Variants in TBC1D8B observed in about 807,000 individuals in gnomAD.
TBC1D8B encodes TBC1 domain family member 8B.
TBC1D8B carries 75 observed loss-of-function variants against 82.9 expected under a neutral mutation model. The ratio of observed to expected loss-of-function variants is 0.90; its 90% confidence interval spans 0.75 to 1.10. The LOEUF is 1.10. Ranked by LOEUF, TBC1D8B falls within the 50% of genes least tolerant of loss-of-function variation. TBC1D8B has a pLI of 0.00. For synonymous variants in TBC1D8B, 276 were observed against 276.8 expected (o/e 1.00, Z 0.03); for missense variants, 794 against 796.9 (o/e 1.00, Z 0.04).
At chrX:106,864,352 C>G (rs978570988) in intron 14 of TBC1D8B, among the ~76,000 whole-genome samples, 2 of 110,006 alleles carry the variant, frequency 1.8e-5, no homozygotes, top group African/African-American at 6.6e-5. Flanking sequence ...CCTCTCTGCT[C>G]TCTGTGTCCC....
At chrX:106,805,336 G>T (rs1223788990) in intron 1 of TBC1D8B, among the ~76,000 whole-genome samples, 2 of 108,134 alleles carry the variant, frequency 1.8e-5, no homozygotes, top group Non-Finnish European at 3.8e-5. Flanking sequence ...CTCCCACTTT[G>T]GTCTCCCAAA....
At chrX:106,851,160 C>A (rs1392820390) in intron 12 of TBC1D8B, among the ~76,000 whole-genome samples, 1 of 112,220 alleles carries the variant, frequency 8.9e-6, no homozygotes, top group Non-Finnish European at 1.9e-5. Context: ...GAGGCCGAGG[C>A]AGGTGGATCA....
At chrX:106,827,806 C>T (rs1931894715) in intron 7 of TBC1D8B, 1 of 111,748 alleles carries the variant, frequency 8.9e-6, no homozygotes, top group Non-Finnish European at 1.9e-5. Flanking sequence ...TATCTGTTTA[C>T]TAGTAAAATA....
intron 15 of TBC1D8B, 32 bp downstream of exon 15, chrX:106,865,659 T>C (rs1453554385): frequency 5.3e-6 from 6 of 1,128,668 alleles, no homozygotes; most frequent in Non-Finnish European, 4.8e-6. Context: ...TGAAAAATAA[T>C]GCTTTTTTTT....
chrX:106,826,861 G>C lies in TBC1D8B; in HGVS notation c.1036-309G>C, dbSNP rs180751267. Among the ~76,000 whole-genome samples, 250 of 111,075 alleles carry C rather than the reference G, an allele frequency of 2.3e-3. 1 individual carries two copies. Among genetic ancestry groups the C allele is most frequent in the African/African-American group, 6.9e-3 (212 of 30,628 alleles). On this transcript the variant is annotated intron_variant, in intron 6 of 20. Transcript: ENST00000357242. The stretch of plus-strand genomic sequence containing the variant: ...TAGACTATCACTTTTGATGTACTCT[G>C]TCAGAAAAAAATAACATTGACATCT...
Position 106,840,682 on chromosome X carries a change from A to G in TBC1D8B, c.1517A>G (p.Asp506Gly). 1 of 1,208,607 alleles carries G rather than the reference A, an allele frequency of 8.3e-7. No homozygotes were observed. Among genetic ancestry groups the G allele is most frequent in the Non-Finnish European group, 1.1e-6 (1 of 892,818 alleles). The part of the protein sequence containing the change: ...LWMLFSGAVN[D>G]MATNPDYYTE... ...ATAATCTTCACAGGTGCTGTTAATG[A>G]CATGGCTACTAATCCTGACTATTAT... Residue 506 changes from aspartate to glycine, a missense_variant, in exon 10 of 21, where the codon GAC becomes GGC. Coordinates refer to ENST00000357242, the MANE Select transcript of TBC1D8B (RefSeq NM_017752.3).
intron 7 of TBC1D8B, among the ~76,000 whole-genome samples, chrX:106,835,658 T>G (rs1456588766): frequency 8.9e-6 from 1 of 111,943 alleles, no homozygotes; most frequent in Non-Finnish European, 1.9e-5. Context: ...ATTTCTTCCA[T>G]CAGATATCCT....
Position 106,826,006 on chromosome X carries a change from T to A in TBC1D8B, c.828-24T>A, listed in dbSNP as rs749106404. On this transcript the variant is annotated intron_variant, in intron 5 of 20. Coordinates refer to ENST00000357242, the MANE Select transcript of TBC1D8B (RefSeq NM_017752.3). Reference sequence around the variant, plus strand: ...CATTTCTAAAAATTCATTTGTGCCTTATCCCATTTTTTCTTTCCTACAGAG... The same window carrying A: ...CATTTCTAAAAATTCATTTGTGCCTAATCCCATTTTTTCTTTCCTACAGAG... 8 of 1,189,169 alleles carry A rather than the reference T, an allele frequency of 6.7e-6. No individual in the cohort carries two copies. In the Admixed American group the frequency reaches 1.8e-4, roughly 26 times the overall value.
intron 14 of TBC1D8B, among the ~76,000 whole-genome samples, chrX:106,859,709 C>T (rs1026082775): frequency 1.7e-4 from 19 of 111,547 alleles, no homozygotes; most frequent in South Asian, 3.8e-4. Context: ...CCTGATTGTT[C>T]GGGCTAGGAC....
intron 1 of TBC1D8B, chrX:106,814,251 C>A (rs1413338751): frequency 9.1e-6 from 1 of 110,346 alleles, no homozygotes; most frequent in African/African-American, 3.3e-5. Flanking sequence ...TTAATCCAGT[C>A]TATCATTGAT....
Position 106,850,298 on chromosome X carries a change from C to T in TBC1D8B, c.2111C>T (p.Thr704Ile), listed in dbSNP as rs772581027. 4.7e-5 allele frequency: 56 copies of T among 1,193,166 alleles called. No individual in the cohort carries two copies. Among genetic ancestry groups the T allele is most frequent in the Admixed American group, 9.1e-5 (4 of 43,840 alleles). The change falls in exon 12 of 21, where the codon ACA becomes ATA. Residue 704 changes from threonine (T) to isoleucine (I), a missense_variant. Coordinates refer to ENST00000357242, the MANE Select transcript of TBC1D8B (RefSeq NM_017752.3). ...TGTAAAGATGATGCTGAAGCTGTGA[C>T]AGCCTTAAACAGGTATTGTAAGAAC... ...LTCKDDAEAV[T>I]ALNRFFDNVT...
chrX:106,858,761 T>C (rs1299045556), intron 14 of TBC1D8B, among the ~76,000 whole-genome samples: 1 of 112,488 alleles, frequency 8.9e-6, no homozygotes, highest in African/African-American at 3.2e-5. Context: ...GCTTTTGGCA[T>C]TTTTGTTGTG....
At chrX:106,814,290 C>G (rs1041107538) in intron 1 of TBC1D8B, 1 of 108,006 alleles carries the variant, frequency 9.3e-6, no homozygotes, top group Admixed American at 1.0e-4. Context: ...CAAGTCTTTG[C>G]TATTGTGAAT....
intron 8 of TBC1D8B, 61 bp downstream of exon 8, chrX:106,839,518 A>C: frequency 2.9e-6 from 3 of 1,048,883 alleles, no homozygotes; most frequent in Non-Finnish European, 3.8e-6. Flanking sequence ...TAAAAATCTT[A>C]AAAGCAGACT....
intron 12 of TBC1D8B, among the ~76,000 whole-genome samples, chrX:106,852,171 A>G (rs1222219718): frequency 5.1e-5 from 5 of 98,417 alleles, no homozygotes; most frequent in Admixed American, 1.1e-4. Context: ...GCCAGTGATG[A>G]TGAGCATTTT....
intron 14 of TBC1D8B, among the ~76,000 whole-genome samples, chrX:106,860,571 A>G (rs1932764667): frequency 1.8e-5 from 2 of 110,300 alleles, no homozygotes; most frequent in South Asian, 3.9e-4. Flanking sequence ...GGTCAGTGGT[A>G]ATGTCTCTTT....
chrX:106,836,230 AG>A (rs778454599), intron 7 of TBC1D8B, among the ~76,000 whole-genome samples: 17 of 111,876 alleles, frequency 1.5e-4, no homozygotes, highest in Non-Finnish European at 3.0e-4. Context: ...TACTGAGTGA[AG>A]GGGGAAGCCC....
chrX:106,827,421 A>G (rs1206051966), intron 7 of TBC1D8B, 84 bp downstream of exon 7: 1 of 1,045,171 alleles, frequency 9.6e-7, no homozygotes, highest in Non-Finnish European at 1.3e-6. Context: ...AATTCATAGT[A>G]CCTTTCCTAT....
intron 10 of TBC1D8B, among the ~76,000 whole-genome samples, chrX:106,845,194 TTTAG>T (rs1932410710): frequency 9.0e-6 from 1 of 111,163 alleles, no homozygotes; most frequent in Non-Finnish European, 1.9e-5. Flanking sequence ...GGAAAATTTT[TTTAG>T]TTAGGCTACC....
Sources: allele counts gnomAD v4.1 joint callset (sites outside exome capture counted in the v4.1 genomes callset), GRCh38; gene constraint gnomAD v4.1.1; transcripts MANE v1.5; gene names NCBI Gene and HGNC (gene_info 2026-07-23, HGNC 2026-07-21).